Variants in MAP6D1 observed in about 807,000 individuals in gnomAD.
The protein encoded by MAP6D1 is MAP6 domain-containing protein 1.
In MAP6D1, 13 loss-of-function variants were observed where a neutral mutation model predicts 17.4. The ratio of observed to expected loss-of-function variants is 0.75; its 90% CI spans 0.49 to 1.19. The LOEUF (loss-of-function observed/expected upper bound fraction) is 1.19. MAP6D1 is among the 50% of genes most tolerant of loss of function. The probability of loss-of-function intolerance (pLI) is 0.00; values close to 1 mark genes in which losing one functional copy is unlikely to be tolerated. For missense variants in MAP6D1, 313 were observed against 312.6 expected (o/e 1.00, Z -0.01); for synonymous variants, 141 against 145.7 (o/e 0.97, Z 0.23).
intron 1 of MAP6D1, among the ~76,000 whole-genome samples, chr3:183,823,470 A>G (rs1727305481): frequency 1.3e-5 from 2 of 152,140 alleles, no homozygotes; most frequent in South Asian, 4.1e-4. Flanking sequence ...GCGTGATGGC[A>G]CACACCTATA....
At position 183,816,288 on chromosome 3, in the gene MAP6D1, A is replaced by C. The variant is rs1286138299; in HGVS notation, c.*1068T>G. The C allele has an allele frequency of 6.6e-6, 1 of 152,252 alleles. No homozygotes were observed. Among genetic ancestry groups the C allele is most frequent in the Non-Finnish European group, 1.5e-5 (1 of 68,044 alleles). The allele number at this position is 152,252 out of a possible 1,614,324, so 9.4% of individuals were successfully genotyped here. On this transcript the variant is annotated 3_prime_UTR_variant, in exon 3 of 3. Transcript: ENST00000318631. ...AGAGCCACTTGTGGGCTGGAGAGGA[A>C]GAAAGATCCAAAGGGAAATCCACAA...
At chr3:183,822,898 G>T (rs1395248185) in intron 1 of MAP6D1, among the ~76,000 whole-genome samples, 1 of 152,258 alleles carries the variant, frequency 6.6e-6, no homozygotes, top group Non-Finnish European at 1.5e-5. Flanking sequence ...TCAGCTCCGG[G>T]AAGGAAGCGC....
At chr3:183,820,993 G>A (rs1359207961) in intron 1 of MAP6D1, among the ~76,000 whole-genome samples, 1 of 151,946 alleles carries the variant, frequency 6.6e-6, no homozygotes, top group African/African-American at 2.4e-5. Flanking sequence ...TACTCTGGAG[G>A]CTGAGGCAGG....
intron 1 of MAP6D1, among the ~76,000 whole-genome samples, chr3:183,821,695 G>A (rs1727263198): frequency 6.6e-6 from 1 of 152,024 alleles, no homozygotes. Flanking sequence ...ACAGGTGCGT[G>A]CCATCACGCC....
intron 2 of MAP6D1, 75 bp from the exon 3 acceptor site, chr3:183,817,511 A>G: frequency 1.5e-6 from 2 of 1,361,666 alleles, no homozygotes; most frequent in Non-Finnish European, 2.0e-6. Flanking sequence ...ACCCAGCTCC[A>G]GGAAAAAATC....
chr3:183,818,465 G>A (rs956927518), intron 1 of MAP6D1, among the ~76,000 whole-genome samples: 10 of 152,302 alleles, frequency 6.6e-5, no homozygotes, highest in Admixed American at 3.3e-4. Flanking sequence ...CATTCAGAAC[G>A]CAACAGCACC....
Position 183,817,212 on chromosome 3 carries a change from T to G in MAP6D1, c.*144A>C. On this transcript the variant is annotated 3_prime_UTR_variant, in exon 3 of 3. Transcript: ENST00000318631. Reference sequence around the variant, plus strand: ...CGGTGCATCTGCTCCACACCAGCACTTTGGCCCTGGTGACAGCTTTGAGAG... The same window carrying G: ...CGGTGCATCTGCTCCACACCAGCACGTTGGCCCTGGTGACAGCTTTGAGAG... 2 of 770,614 alleles carry G rather than the reference T, an allele frequency of 2.6e-6. No individual in the cohort carries two copies. The highest frequency in any genetic ancestry group is 4.3e-6 in the Non-Finnish European group (2 of 463,658). The allele number at this position is 770,614 out of a possible 1,614,324, so 47.7% of individuals were successfully genotyped here.
At chr3:183,824,285 T>C (rs528227199) in intron 1 of MAP6D1, among the ~76,000 whole-genome samples, 408 of 152,250 alleles carry the variant, frequency 2.7e-3, no homozygotes, top group African/African-American at 9.2e-3. Flanking sequence ...AAATAGTCAA[T>C]GGTAAGGAAG....
chr3:183,821,541 CTTTTTTTTTTT>C (rs59131602), intron 1 of MAP6D1, among the ~76,000 whole-genome samples: 3 of 98,124 alleles, frequency 3.1e-5, no homozygotes, highest in African/African-American at 1.2e-4. Flanking sequence ...TGAGGGATTG[CTTTTTTTTTTT>C]TTTTTTTTTT....
chr3:183,824,467 A>C (rs957189358), intron 1 of MAP6D1, among the ~76,000 whole-genome samples: 10 of 152,272 alleles, frequency 6.6e-5, no homozygotes, highest in Non-Finnish European at 1.5e-4. Context: ...CATATGCACC[A>C]AATGCACATT....
intron 1 of MAP6D1, among the ~76,000 whole-genome samples, chr3:183,821,709 C>T (rs1727263706): frequency 6.6e-6 from 1 of 152,042 alleles, no homozygotes; most frequent in Non-Finnish European, 1.5e-5. Flanking sequence ...TCACGCCCAG[C>T]TAATTTTTAG....
chr3:183,819,508 C>T (rs889665814), intron 1 of MAP6D1, among the ~76,000 whole-genome samples: 16 of 152,192 alleles, frequency 1.1e-4, no homozygotes, highest in Non-Finnish European at 1.9e-4. Flanking sequence ...GCAATCCTGG[C>T]GGCCGCCAGA....
chr3:183,823,943 G>C (rs2108564170), intron 1 of MAP6D1, among the ~76,000 whole-genome samples: 1 of 152,318 alleles, frequency 6.6e-6, no homozygotes, highest in South Asian at 2.1e-4. Flanking sequence ...ACATCCATCA[G>C]GGCATCCTGT....
At chr3:183,820,332 G>A (rs1727215468) in intron 1 of MAP6D1, 1 of 152,304 alleles carries the variant, frequency 6.6e-6, no homozygotes, top group South Asian at 2.1e-4. Flanking sequence ...GCTGGAAGGT[G>A]GGGGTCCCAG....
intron 1 of MAP6D1, among the ~76,000 whole-genome samples, chr3:183,824,499 T>C (rs184907255): frequency 6.6e-6 from 1 of 152,340 alleles, no homozygotes; most frequent in Non-Finnish European, 1.5e-5. Context: ...AGAACTCGTC[T>C]GGGGAGGGAT....
At chr3:183,821,578 CT>C (rs1727259861) in intron 1 of MAP6D1, among the ~76,000 whole-genome samples, 1 of 136,572 alleles carries the variant, frequency 7.3e-6, no homozygotes, top group South Asian at 2.3e-4. Flanking sequence ...TGGAGTCTCG[CT>C]CTATTGCCCA....
chr3:183,825,275 C>T lies in MAP6D1; in HGVS notation c.273G>A (p.Pro91=), dbSNP rs1727360473. 7.5e-7 allele frequency: 1 copy of T among 1,342,072 alleles called. No homozygotes were observed. 83.1% of individuals were successfully genotyped at this position (1,342,072 alleles called of 1,614,324 possible). The change falls in exon 1 of 3, where the codon CCG becomes CCA. Residue 91 remains proline, a synonymous_variant. Transcript: ENST00000318631. The part of the protein sequence containing the change: ...GPKDPPPGRG[P]GAGGRRGKSS... ...ATTTGCCCCTGCGGCCGCCCGCCCC[C>T]GGTCCGCGCCCCGGCGGCGGATCCT...
At position 183,815,953 on chromosome 3, in the gene MAP6D1, C is replaced by A. The variant is rs1382464066; in HGVS notation, c.*1403G>T. 1 of 152,210 alleles carries A rather than the reference C, an allele frequency of 6.6e-6. No homozygotes were observed. The highest frequency in any genetic ancestry group is 1.5e-5 in the Non-Finnish European group (1 of 68,044). 9.4% of individuals were successfully genotyped at this position (152,210 alleles called of 1,614,324 possible). A position where few individuals can be genotyped will look rare whatever the true frequency, so the allele number is the denominator to read the frequency against. ...CATTTTAGTAAAATCTGAGATTGTACAGTTTTTAATCTCATTTCCACAGAC... is the reference window on the plus strand; with the variant it reads ...CATTTTAGTAAAATCTGAGATTGTAAAGTTTTTAATCTCATTTCCACAGAC... On this transcript the variant is annotated 3_prime_UTR_variant, in exon 3 of 3. Transcript: ENST00000318631.
At chr3:183,824,090 G>A (rs957467779) in intron 1 of MAP6D1, among the ~76,000 whole-genome samples, 4 of 152,188 alleles carry the variant, frequency 2.6e-5, no homozygotes, top group Non-Finnish European at 5.9e-5. Context: ...TCATGGCTGT[G>A]CTATAATTAA....
Sources: allele counts gnomAD v4.1 joint callset (sites outside exome capture counted in the v4.1 genomes callset), GRCh38; gene constraint gnomAD v4.1.1; transcripts MANE v1.5; gene names NCBI Gene and HGNC (gene_info 2026-07-23, HGNC 2026-07-21).